The following PLB1 variants were observed in gnomAD, a reference collection of about 807,000 sequenced individuals.
PLB1 encodes the protein phospholipase B1, membrane-associated.
In PLB1, 242 loss-of-function variants were observed where a neutral mutation model predicts 227.4. The observed-to-expected ratio is 1.06, with a 90% confidence interval of 0.96 to 1.18. The LOEUF (loss-of-function observed/expected upper bound fraction) is 1.18. Ranked by LOEUF, PLB1 falls within the 50% of genes most tolerant of loss-of-function variation. The pLI is 0.00. For missense variants in PLB1, 1,858 were observed against 1,816.3 expected, an observed-to-expected ratio of 1.02 and a Z score of -0.42; for synonymous variants, 757 against 682.2, an observed-to-expected ratio of 1.11 and a Z score of -1.71.
chr2:28,618,850 T>C (rs753157893), intron 46 of PLB1, among the ~76,000 whole-genome samples: 1 of 152,210 alleles, frequency 6.6e-6, no homozygotes, highest in Non-Finnish European at 1.5e-5. Flanking sequence ...AGCACAGTCT[T>C]GCTAAGTGAA....
At chr2:28,641,905 T>G (rs1354121170) in intron 57 of PLB1, among the ~76,000 whole-genome samples, 1 of 152,100 alleles carries the variant, frequency 6.6e-6, no homozygotes, top group Non-Finnish European at 1.5e-5. Context: ...TACTGCCCAT[T>G]GACCAGAGTC....
chr2:28,509,835 C>T (rs1180121254), intron 1 of PLB1, among the ~76,000 whole-genome samples: 1 of 152,176 alleles, frequency 6.6e-6, no homozygotes, highest in African/African-American at 2.4e-5. Flanking sequence ...ATTTCTTCCA[C>T]AGCACCTTGG....
intron 14 of PLB1, among the ~76,000 whole-genome samples, chr2:28,545,401 G>A (rs1329466283): frequency 3.3e-5 from 5 of 152,240 alleles, no homozygotes; most frequent in East Asian, 1.9e-4. Flanking sequence ...TTCCCGGATC[G>A]AGCACAGCTG....
intron 12 of PLB1, among the ~76,000 whole-genome samples, chr2:28,541,151 A>G (rs1672421528): frequency 6.6e-6 from 1 of 151,296 alleles, no homozygotes; most frequent in Non-Finnish European, 1.5e-5. Flanking sequence ...CAGCCTGGGC[A>G]AGACAGCGAG....
At chr2:28,591,407 C>G (rs1234221266) in intron 30 of PLB1, among the ~76,000 whole-genome samples, 1 of 152,214 alleles carries the variant, frequency 6.6e-6, no homozygotes, top group African/African-American at 2.4e-5. Context: ...AGAGAAATCC[C>G]CTTCCTTGTA....
chr2:28,598,781 G>T, intron 35 of PLB1, 21 bp downstream of exon 35: 1 of 1,589,944 alleles, frequency 6.3e-7, no homozygotes, highest in Non-Finnish European at 8.6e-7. Flanking sequence ...TGGGGAGGGA[G>T]GGAGCCTGCA....
Position 28,582,492 on chromosome 2 carries a change from A to C in PLB1, c.1720A>C (p.Arg574=). The C allele has an allele frequency of 6.2e-7, 1 of 1,607,618 alleles. No individual in the cohort carries two copies. The highest frequency in any genetic ancestry group is 8.5e-7 in the Non-Finnish European group (1 of 1,176,342). ...LYQEKKVYCP[R]MILRSLCPCV... ...CCAGGAGAAAAAAGTCTACTGCCCA[A>C]GGATGATCCTCAGGTCAGACAGATA... Residue 574 remains arginine (R), a synonymous_variant, in exon 25 of 58, where the codon AGG becomes CGG. Coordinates refer to ENST00000327757, the MANE Select transcript of PLB1 (RefSeq NM_153021.5).
At chr2:28,627,585 C>G (rs1009148105) in intron 51 of PLB1, among the ~76,000 whole-genome samples, 1 of 152,212 alleles carries the variant, frequency 6.6e-6, no homozygotes, top group African/African-American at 2.4e-5. Flanking sequence ...TTTAACTCTT[C>G]GGCATGGATT....
At chr2:28,604,627 G>A in intron 40 of PLB1, 28 bp from the exon 41 acceptor site, 1 of 1,604,712 alleles carries the variant, frequency 6.2e-7, no homozygotes, top group Non-Finnish European at 8.5e-7. Context: ...CAGGGCCTGG[G>A]CTGAAGACCC....
intron 4 of PLB1, among the ~76,000 whole-genome samples, chr2:28,524,531 C>T (rs1018703812): frequency 3.3e-5 from 5 of 151,346 alleles, no homozygotes; most frequent in Non-Finnish European, 5.9e-5. Flanking sequence ...ACTTACAACA[C>T]ACCCAGGCAC....
intron 43 of PLB1, among the ~76,000 whole-genome samples, chr2:28,607,750 C>G (rs761246266): frequency 6.6e-6 from 1 of 151,856 alleles, no homozygotes; most frequent in African/African-American, 2.4e-5. Context: ...AGCCAGGGAC[C>G]GTGGATAGTG....
At position 28,604,638 on chromosome 2, in the gene PLB1, T is replaced by A; in HGVS notation, c.2857-17T>A. The A allele has an allele frequency of 6.2e-7, 1 of 1,610,936 alleles. No individual in the cohort carries two copies. The highest frequency in any genetic ancestry group is 1.1e-5 in the South Asian group (1 of 90,952). ...CACCCAGGGCCTGGGCTGAAGACCC[T>A]GTGCATGTGTCCCCAGAGCAGCATG... On this transcript the variant is annotated splice_polypyrimidine_tract_variant and intron_variant, in intron 40 of 57. Transcript: ENST00000327757.
chr2:28,547,684 A>T (rs1377393068), intron 14 of PLB1, among the ~76,000 whole-genome samples: 1 of 152,170 alleles, frequency 6.6e-6, no homozygotes, highest in Admixed American at 6.5e-5. Context: ...GGCCAGAGGT[A>T]CGACCAGAGC....
intron 31 of PLB1, 46 bp from the exon 32 acceptor site, chr2:28,592,613 CTG>C (rs770747809): frequency 3.8e-6 from 6 of 1,576,884 alleles, no homozygotes; most frequent in Non-Finnish European, 5.2e-6. Context: ...TAGAGTGTGA[CTG>C]TGGCTTCCCT....
intron 1 of PLB1, among the ~76,000 whole-genome samples, chr2:28,508,152 G>A (rs1437095255): frequency 1.3e-5 from 2 of 152,196 alleles, no homozygotes; most frequent in Non-Finnish European, 2.9e-5. Context: ...TGGTCTCAGG[G>A]AAAGCGTACT....
chr2:28,633,868 T>C (rs1688987726), intron 56 of PLB1, among the ~76,000 whole-genome samples: 1 of 152,192 alleles, frequency 6.6e-6, no homozygotes, highest in South Asian at 2.1e-4. Context: ...ACCTGTATGT[T>C]CCCTCCTTTG....
rs57713254 is a variant in PLB1 at position 28,597,264 on chromosome 2, GA to G, written c.2322-722del. ...GGGCGACAGAGCAAGACTCCGTCTC[GA>G]AAAAAAAAAAAAAAAAAATCCATTG... On this transcript the variant is annotated intron_variant, in intron 33 of 57. Coordinates refer to ENST00000327757, the MANE Select transcript of PLB1 (RefSeq NM_153021.5). Among the ~76,000 whole-genome samples, 374 of 85,534 alleles carry G rather than the reference GA, an allele frequency of 4.4e-3. 1 individual carries two copies. Among genetic ancestry groups the G allele is most frequent in the Middle Eastern group, 0.015 (2 of 134 alleles). 56.1% of individuals were successfully genotyped at this position (85,534 alleles called of 152,430 possible).
chr2:28,566,760 T>C, intron 19 of PLB1, 36 bp from the exon 20 acceptor site: 1 of 1,612,204 alleles, frequency 6.2e-7, no homozygotes, highest in Non-Finnish European at 8.5e-7. Flanking sequence ...GCTGGGATTT[T>C]AACCCTTCAT....
chr2:28,612,035 A>G (rs535540927), intron 43 of PLB1, among the ~76,000 whole-genome samples: 70 of 152,160 alleles, frequency 4.6e-4, no homozygotes, highest in African/African-American at 1.7e-3. Flanking sequence ...AGTCCCAGCT[A>G]CTCGGGAGGC....
Sources: gnomAD v4.1 joint callset for allele counts (sites outside exome capture counted in the v4.1 genomes callset) on GRCh38, gnomAD v4.1.1 for gene constraint, MANE v1.5 for transcripts, NCBI Gene and HGNC (gene_info 2026-07-23, HGNC 2026-07-21) for gene names.